Variants in OSBPL11 observed in about 807,000 individuals in gnomAD.
OSBPL11 encodes oxysterol-binding protein-related protein 11.
A neutral mutation model predicts 84.4 loss-of-function variants in OSBPL11; 33 were observed. The ratio of observed to expected loss-of-function variants is 0.39; its 90% CI spans 0.30 to 0.52. The LOEUF (loss-of-function observed/expected upper bound fraction) is 0.52. OSBPL11 is among the 20% of genes least tolerant of loss of function. OSBPL11 has a pLI of 0.72. For synonymous variants in OSBPL11, 276 were observed against 310.2 expected (o/e 0.89, Z 1.16); for missense variants, 736 against 901.1 (o/e 0.82, Z 2.35).
At position 125,594,782 on chromosome 3, in the gene OSBPL11, C is replaced by A; in HGVS notation, c.19G>T (p.Val7Leu). 1 of 1,614,138 alleles carries A rather than the reference C, an allele frequency of 6.2e-7. No homozygotes were observed. Among genetic ancestry groups the A allele is most frequent in the Non-Finnish European group, 8.5e-7 (1 of 1,179,972 alleles). The change falls in exon 1 of 13, where the codon GTG (valine) becomes TTG (leucine). Residue 7 changes from valine (V) to leucine (L), a missense_variant. Physicochemically the swap from Val to Leu is conservative, Grantham distance 32. Coordinates refer to ENST00000296220, the MANE Select transcript of OSBPL11 (RefSeq NM_022776.5). ...CTCTCCGAGACTTTCATTGTGGACA[C>A]TGGTTCACCCCCCTGCATCTTAACG... MQGGEPVSTMKVSESEG... is the reference protein window; with the variant it reads MQGGEPLSTMKVSESEG...
chr3:125,583,564 G>A (rs567525282), intron 1 of OSBPL11, among the ~76,000 whole-genome samples: 1 of 116,646 alleles, frequency 8.6e-6, no homozygotes, highest in Non-Finnish European at 1.6e-5. Flanking sequence ...CTGGGCAACA[G>A]AGTGAGACTC....
At chr3:125,535,344 C>G (rs1375147545) in intron 11 of OSBPL11, among the ~76,000 whole-genome samples, 1 of 151,624 alleles carries the variant, frequency 6.6e-6, no homozygotes, top group Admixed American at 6.6e-5. Flanking sequence ...TAATTCAAAA[C>G]CTTCCCCTAA....
intron 1 of OSBPL11, among the ~76,000 whole-genome samples, chr3:125,588,963 G>A (rs1936555229): frequency 6.6e-6 from 1 of 152,140 alleles, no homozygotes; most frequent in African/African-American, 2.4e-5. Context: ...TCAAGAGAGG[G>A]GTCCTCCCTC....
At chr3:125,570,255 G>A (rs1936223364) in intron 5 of OSBPL11, among the ~76,000 whole-genome samples, 1 of 150,514 alleles carries the variant, frequency 6.6e-6, no homozygotes, top group Non-Finnish European at 1.5e-5. Context: ...TCTTTGGGAG[G>A]CCAGGGTGGG....
intron 8 of OSBPL11, among the ~76,000 whole-genome samples, chr3:125,556,169 G>A (rs2107597373): frequency 6.6e-6 from 1 of 152,342 alleles, no homozygotes; most frequent in South Asian, 2.1e-4. Flanking sequence ...CAAAGAGAAT[G>A]CTAAAGGAAA....
At chr3:125,535,543 A>G (rs932808849) in intron 11 of OSBPL11, among the ~76,000 whole-genome samples, 4 of 146,330 alleles carry the variant, frequency 2.7e-5, no homozygotes, top group Non-Finnish European at 4.4e-5. Context: ...TCCTGGGTTC[A>G]AGTGATTCTC....
At chr3:125,562,043 A>T (rs1351880739) in intron 7 of OSBPL11, among the ~76,000 whole-genome samples, 2 of 152,164 alleles carry the variant, frequency 1.3e-5, no homozygotes, top group South Asian at 4.2e-4. Context: ...TCATCTTGAG[A>T]TTCCCATTCT....
intron 1 of OSBPL11, among the ~76,000 whole-genome samples, chr3:125,586,647 G>A (rs541183082): frequency 1.3e-5 from 2 of 152,054 alleles, no homozygotes; most frequent in South Asian, 4.2e-4. Context: ...CGAGTAGCTG[G>A]GAGTACAGGT....
chr3:125,574,527 A>C (rs181917386), intron 5 of OSBPL11, among the ~76,000 whole-genome samples: 1 of 151,224 alleles, frequency 6.6e-6, no homozygotes, highest in African/African-American at 2.4e-5. Context: ...GATGTGAAAG[A>C]ATGACAGAAA....
chr3:125,534,585 T>TA (rs745764119), intron 11 of OSBPL11, among the ~76,000 whole-genome samples: 201 of 140,360 alleles, frequency 1.4e-3, no homozygotes, highest in African/African-American at 3.2e-3. Flanking sequence ...GTTCATGAGT[T>TA]AAAAAAAAAA....
chr3:125,536,280 A>G (rs750118487), intron 11 of OSBPL11, among the ~76,000 whole-genome samples: 23 of 152,234 alleles, frequency 1.5e-4, no homozygotes, highest in Non-Finnish European at 3.1e-4. Flanking sequence ...TGCAATGTGG[A>G]AAATTTAAGA....
In OSBPL11 at chr3:125,552,180, C is replaced by A; in HGVS notation, c.1654+1G>T. ...ATATATAAAATAATTTTTCTACTTA[C>A]CTTCTCCAACCATTGTCACGCCTAT... On this transcript the variant is annotated splice_donor_variant, in intron 9 of 12. Transcript: ENST00000296220. LOFTEE classifies it high-confidence loss of function. 6.6e-7 allele frequency: 1 copy of A among 1,522,154 alleles called. No homozygotes were observed. The highest frequency in any genetic ancestry group is 8.8e-7 in the Non-Finnish European group (1 of 1,138,848). The allele number at this position is 1,522,154 out of a possible 1,614,324, so 94.3% of individuals were successfully genotyped here.
At chr3:125,560,887 T>C (rs1936066891) in intron 7 of OSBPL11, among the ~76,000 whole-genome samples, 1 of 152,152 alleles carries the variant, frequency 6.6e-6, no homozygotes, top group South Asian at 2.1e-4. Context: ...TTAGTAGAGA[T>C]GGAGTTTCAC....
Position 125,572,632 on chromosome 3 carries a change from C to G in OSBPL11, c.666+3557G>C, listed in dbSNP as rs548205602. Among the ~76,000 whole-genome samples, 137 of 152,030 alleles carry G rather than the reference C, an allele frequency of 9.0e-4. 1 individual carries two copies. Among genetic ancestry groups the G allele is most frequent in the South Asian group, 4.1e-3 (20 of 4,826 alleles). On this transcript the variant is annotated intron_variant, in intron 5 of 12. Coordinates refer to ENST00000296220, the MANE Select transcript of OSBPL11 (RefSeq NM_022776.5). Reference sequence around the variant, plus strand: ...AGGAGTTCCCCTGCACAAGTTTTCTCCCTTTGCCTGCTGCCATCCATGTAA... The same window carrying G: ...AGGAGTTCCCCTGCACAAGTTTTCTGCCTTTGCCTGCTGCCATCCATGTAA...
In OSBPL11 at chr3:125,531,857, A is replaced by G; in HGVS notation, c.2178+4T>C. On this transcript the variant is annotated splice_donor_region_variant and intron_variant, in intron 12 of 12. Coordinates refer to ENST00000296220, the MANE Select transcript of OSBPL11 (RefSeq NM_022776.5). Reference sequence around the variant, plus strand: ...TTTTTATCTTGAACACATGTACAGCATACCTCTTTAATAAAATATTTGGTT... The same window carrying G: ...TTTTTATCTTGAACACATGTACAGCGTACCTCTTTAATAAAATATTTGGTT... 1 of 1,608,708 alleles carries G rather than the reference A, an allele frequency of 6.2e-7. No homozygotes were observed. The highest frequency in any genetic ancestry group is 8.5e-7 in the Non-Finnish European group (1 of 1,178,424).
chr3:125,534,126 ATTCTAGCACTT>A (rs1013533611), intron 11 of OSBPL11, among the ~76,000 whole-genome samples: 3 of 152,184 alleles, frequency 2.0e-5, no homozygotes, highest in Non-Finnish European at 4.4e-5. Flanking sequence ...CTCATGAATA[ATTCTAGCACTT>A]TGGGAGGCCG....
chr3:125,575,529 GT>G (rs1402266947), intron 5 of OSBPL11, among the ~76,000 whole-genome samples: 1 of 150,740 alleles, frequency 6.6e-6, no homozygotes, highest in Non-Finnish European at 1.5e-5. Flanking sequence ...ACCTACCACT[GT>G]TTGTTTTTTT....
At chr3:125,546,574 C>T (rs944992308) in intron 10 of OSBPL11, among the ~76,000 whole-genome samples, 15 of 152,070 alleles carry the variant, frequency 9.9e-5, no homozygotes, top group Non-Finnish European at 2.2e-4. Context: ...TCAGGTGATC[C>T]ACCCATGACT....
chr3:125,590,869 ATATC>A (rs1936585826), intron 1 of OSBPL11, among the ~76,000 whole-genome samples: 1 of 152,190 alleles, frequency 6.6e-6, no homozygotes. Context: ...CTCTATGTAA[ATATC>A]TATCTAGAAA....
Sources: gnomAD v4.1 joint callset for allele counts (sites outside exome capture counted in the v4.1 genomes callset) on GRCh38, gnomAD v4.1.1 for gene constraint, MANE v1.5 for transcripts, NCBI Gene and HGNC (gene_info 2026-07-23, HGNC 2026-07-21) for gene names.